The following AP3B2 variants were observed in gnomAD, a reference collection of about 807,000 sequenced individuals.
The protein encoded by AP3B2 is AP-3 complex subunit beta-2.
A neutral mutation model predicts 126.9 loss-of-function variants in AP3B2; 50 were observed. The observed-to-expected ratio is 0.39, with a 90% CI of 0.31 to 0.50. The LOEUF is 0.50. AP3B2 is among the 20% of genes least tolerant of loss of function. The pLI is 0.79. For synonymous variants in AP3B2, 541 were observed against 565.0 expected (o/e 0.96, Z 0.60); for missense variants, 1,177 against 1,426.4 (o/e 0.83, Z 2.82).
chr15:82,660,053 C>A, intron 25 of AP3B2, 70 bp from the exon 26 acceptor site: 1 of 1,550,110 alleles, frequency 6.5e-7, no homozygotes, highest in Non-Finnish European at 8.8e-7. Context: ...GGTCTGCTTA[C>A]TGAGCAACAA....
chr15:82,679,671 AGTGG>A (rs1468108857), intron 10 of AP3B2, 54 bp downstream of exon 10: 1 of 1,252,602 alleles, frequency 8.0e-7, no homozygotes, highest in Non-Finnish European at 1.1e-6. Flanking sequence ...GAGTTATTTG[AGTGG>A]GTACATGGGG....
At chr15:82,667,443 C>T (rs977932227) in intron 14 of AP3B2, among the ~76,000 whole-genome samples, 5 of 152,238 alleles carry the variant, frequency 3.3e-5, no homozygotes, top group Non-Finnish European at 5.9e-5. Context: ...TTCTGAGCAG[C>T]CCAGGGGTCT....
At chr15:82,667,933 G>C (rs1040702368) in intron 14 of AP3B2, among the ~76,000 whole-genome samples, 1 of 152,066 alleles carries the variant, frequency 6.6e-6, no homozygotes, top group South Asian at 2.1e-4. Flanking sequence ...TTGTGACCAA[G>C]ATCAAAACCA....
rs780805201 is a variant in AP3B2, at chr15:82,665,432, C to CTT, written c.1971+24_1971+25insAA. The CTT allele has an allele frequency of 1.8e-5, 27 of 1,466,194 alleles. No homozygotes were observed. Among genetic ancestry groups the CTT allele is most frequent in the Non-Finnish European group, 2.5e-5 (26 of 1,061,028 alleles). The allele number at this position is 1,466,194 out of a possible 1,614,324, so 90.8% of individuals were successfully genotyped here. ...ACACACACACACACACACACACACA[C>CTT]ACTTCAACCCTCCACCCCGCTGACC... On this transcript the variant is annotated intron_variant, in intron 16 of 26. Transcript: ENST00000535359. This position sits in a 1 kb window ranked among gnomAD's most constrained non-coding sequence, Gnocchi z 4.4.
rs774245193 is a variant in AP3B2 at position 82,679,732 on chromosome 15, C to G, written c.1179G>C (p.Leu393=). The G allele has an allele frequency of 2.5e-6, 4 of 1,613,448 alleles. No homozygotes were observed. The South Asian group carries it at 4.4e-5, about 18-fold the overall frequency. Residue 393 remains leucine, a synonymous_variant, in exon 10 of 27, where the codon CTG becomes CTC. Transcript: ENST00000535359. The stretch of plus-strand genomic sequence containing the variant: ...TGCACTTCTGTCCCTCACTCACCTT[C>G]AGGATCTTAATCTGGGTGGGGTCGG... ...RSTDPTQIKI[L]KLEVLTNLAN...
rs1198540201 is a variant in AP3B2, at chr15:82,679,713, T to G, written c.1182+16A>C. ...GGGAGGGCTGGGAAGCACATGCACT[T>G]CTGTCCCTCACTCACCTTCAGGATC... On this transcript the variant is annotated intron_variant, in intron 10 of 26. Coordinates refer to ENST00000535359, the MANE Select transcript of AP3B2 (RefSeq NM_001278512.2). 1 of 1,610,980 alleles carries G rather than the reference T, an allele frequency of 6.2e-7. No homozygotes were observed. Among genetic ancestry groups the G allele is most frequent in the South Asian group, 1.1e-5 (1 of 91,016 alleles).
At position 82,666,940 on chromosome 15, in the gene AP3B2, GA is replaced by G. The variant is rs777660401; in HGVS notation, c.1666-8del. 1 of 1,604,850 alleles carries G rather than the reference GA, an allele frequency of 6.2e-7. No homozygotes were observed. Among genetic ancestry groups the G allele is most frequent in the South Asian group, 1.1e-5 (1 of 90,514 alleles). On this transcript the variant is annotated splice_polypyrimidine_tract_variant and splice_region_variant and intron_variant, in intron 14 of 26. Coordinates refer to ENST00000535359, the MANE Select transcript of AP3B2 (RefSeq NM_001278512.2). ...ACTGGGTCAGCAGCTTGGTCTGGAG[GA>G]ACAGGAAGAGGTGGGTCAGCTGACG... is the stretch of plus-strand genomic sequence containing the variant.
At position 82,663,607 on chromosome 15, in the gene AP3B2, T is replaced by C. The variant is rs1340540014; in HGVS notation, c.2450A>G (p.Lys817Arg). The C allele has an allele frequency of 1.2e-6, 2 of 1,613,756 alleles. No individual in the cohort carries two copies. Among genetic ancestry groups the C allele is most frequent in the Non-Finnish European group, 1.7e-6 (2 of 1,179,858 alleles). The change falls in exon 21 of 27, where the codon AAA becomes AGA. Residue 817 changes from lysine to arginine, a missense_variant. Lys to Arg is a conservative substitution (Grantham distance 26). Around this residue, in one of 5 missense-constraint regions of AP3B2, gnomAD observed 587 missense variants for 571.3 expected, o/e 1.03. Transcript: ENST00000535359. ...GATCTCCTTGGTTGCAGGAGCACTTTTGCTGCTGGGAGGCTGAAAGAGAAA... is the reference window on the plus strand; with the variant it reads ...GATCTCCTTGGTTGCAGGAGCACTTCTGCTGCTGGGAGGCTGAAAGAGAAA... The part of the protein sequence containing the change: ...SWSRKTPPSS[K>R]SAPATKEISL...
chr15:82,709,504 G>T, intron 1 of AP3B2, 90 bp downstream of exon 1: 1 of 912,844 alleles, frequency 1.1e-6, no homozygotes, highest in South Asian at 4.7e-5. Context: ...CGGGGCCGGC[G>T]CTGGGGCCGG....
intron 1 of AP3B2, among the ~76,000 whole-genome samples, chr15:82,707,411 G>C (rs760540721): frequency 3.3e-5 from 5 of 152,264 alleles, no homozygotes; most frequent in African/African-American, 4.8e-5. Flanking sequence ...TCTCATTCCA[G>C]ACACCAGACC....
At chr15:82,697,549 G>A (rs1048217965) in intron 1 of AP3B2, among the ~76,000 whole-genome samples, 1 of 152,164 alleles carries the variant, frequency 6.6e-6, no homozygotes, top group Non-Finnish European at 1.5e-5. Context: ...ACGCAACTTA[G>A]TCACAGGGCT....
At chr15:82,670,794 C>T (rs2048143906) in intron 14 of AP3B2, among the ~76,000 whole-genome samples, 1 of 152,012 alleles carries the variant, frequency 6.6e-6, no homozygotes, top group African/African-American at 2.4e-5. Context: ...TGCAAACTAC[C>T]CATCTGACAA....
At position 82,663,830 on chromosome 15, in the gene AP3B2, A is replaced by G. The variant is rs1202270549; in HGVS notation, c.2407T>C (p.Leu803=). 6.2e-7 allele frequency: 1 copy of G among 1,613,688 alleles called. No homozygotes were observed. Among genetic ancestry groups the G allele is most frequent in the East Asian group, 2.2e-5 (1 of 44,872 alleles). The part of the protein sequence containing the change: ...EMTSESEEEQ[L]EPASWSRKTP... ...TTCCTGCTCCAGGAGGCAGGTTCTAACTGCTCCTCCTCGGACTCCGATGTC... is the reference window on the plus strand; with the variant it reads ...TTCCTGCTCCAGGAGGCAGGTTCTAGCTGCTCCTCCTCGGACTCCGATGTC... Residue 803 remains leucine, a synonymous_variant, in exon 20 of 27, where the codon TTA becomes CTA. Transcript: ENST00000535359.
intron 1 of AP3B2, among the ~76,000 whole-genome samples, chr15:82,694,241 G>C (rs2048598151): frequency 6.8e-6 from 1 of 147,878 alleles, no homozygotes; most frequent in East Asian, 2.0e-4. Context: ...CTGGACTCAA[G>C]TGATTTGCCT....
chr15:82,688,661 C>G, intron 4 of AP3B2, 75 bp downstream of exon 4: 1 of 1,375,492 alleles, frequency 7.3e-7, no homozygotes, highest in Non-Finnish European at 1.0e-6. Context: ...ATGCTCATGG[C>G]CTCTCCCCAG....
Position 82,663,969 on chromosome 15 carries a change from C to T in AP3B2, c.2268G>A (p.Gln756=), listed in dbSNP as rs544059884. ...EEKGRGSESE[Q]SEEDGKRKTK... is the part of the protein sequence containing the mutation. ...TCTTCCTCTTACCATCCTCCTCACT[C>T]TGTTCACTGAAGGAGTGGGAAAGGT... is the stretch of plus-strand genomic sequence containing the variant. The change falls in exon 20 of 27, where the codon CAG becomes CAA. Residue 756 remains glutamine (Q), a synonymous_variant. Transcript: ENST00000535359. 1 of 1,602,988 alleles carries T rather than the reference C, an allele frequency of 6.2e-7. No individual in the cohort carries two copies. Among genetic ancestry groups the T allele is most frequent in the South Asian group, 1.1e-5 (1 of 90,882 alleles).
intron 4 of AP3B2, chr15:82,686,560 A>C (rs910193932): frequency 7.2e-5 from 11 of 152,184 alleles, no homozygotes; most frequent in African/African-American, 2.7e-4. Flanking sequence ...CTATTTGAGA[A>C]ATGTGTCATT....
chr15:82,661,933 T>A lies in AP3B2; in HGVS notation c.2919-11A>T. On this transcript the variant is annotated splice_polypyrimidine_tract_variant and intron_variant, in intron 24 of 26. Transcript: ENST00000535359. ...TGTCGGGTCTGGGTGCTGGGAGGGG[T>A]GGGAGGAAACGGAGAAGAATTAAGG... 1.9e-6 allele frequency: 3 copies of A among 1,609,468 alleles called. No individual in the cohort carries two copies. Among genetic ancestry groups the A allele is most frequent in the Non-Finnish European group, 2.5e-6 (3 of 1,176,814 alleles).
chr15:82,695,211 T>C (rs377748217), intron 1 of AP3B2, among the ~76,000 whole-genome samples: 75 of 151,740 alleles, frequency 4.9e-4, no homozygotes, highest in African/African-American at 1.8e-3. Context: ...GCAATTCTCC[T>C]GCCTCAGCCT....
Sources: gnomAD v4.1 joint callset for allele counts (sites outside exome capture counted in the v4.1 genomes callset) on GRCh38, gnomAD v4.1.1 for gene constraint, gnomAD v4.1.1 regional missense constraint, Gnocchi (gnomAD v3.1) non-coding constraint, MANE v1.5 for transcripts, NCBI Gene and HGNC (gene_info 2026-07-23, HGNC 2026-07-21) for gene names.